Variants in XIRP2 observed in about 807,000 individuals in gnomAD.
XIRP2 encodes xin actin binding repeat containing 2, also known as xin actin-binding repeat-containing protein 2.
In XIRP2, 236 loss-of-function variants were observed where a neutral mutation model predicts 277.0. That is an observed-to-expected ratio of 0.85 (90% CI 0.77 to 0.95). XIRP2 has a LOEUF of 0.95. Ranked by LOEUF, XIRP2 falls within the 40% of genes least tolerant of loss-of-function variation. The pLI, the probability that XIRP2 is intolerant of heterozygous loss-of-function variation, is 0.00. For synonymous variants in XIRP2, 1,490 were observed against 1,416.5 expected (o/e 1.05, Z -1.17); for missense variants, 4,640 against 4,157.5 (o/e 1.12, Z -3.19).
intron 2 of XIRP2, among the ~76,000 whole-genome samples, chr2:167,129,881 A>G (rs188435324): frequency 0.048 from 7,321 of 151,200 alleles, 249 homozygotes; most frequent in African/African-American, 0.091. Flanking sequence ...AAAAAAAAAA[A>G]AAAAGAAAAG....
In XIRP2 at chr2:167,254,066, T is replaced by C. The variant is rs758423050; in HGVS notation, c.10590T>C (p.Thr3530=). 3.1e-6 allele frequency: 5 copies of C among 1,605,502 alleles called. No individual in the cohort carries two copies. The African/African-American group carries it at 6.7e-5, about 22-fold the overall frequency. The change falls in exon 10 of 11, where the codon ACT becomes ACC. Residue 3530 remains threonine (T), a synonymous_variant. Transcript: ENST00000409195. ...AAAPRQGNMY[T]LSKDSLSNGV... is the part of the protein sequence containing the mutation. ...CTCCAAGACAAGGAAATATGTATACTTTGTCAAAAGACAGTTTATCCAATG... is the reference window on the plus strand; with the variant it reads ...CTCCAAGACAAGGAAATATGTATACCTTGTCAAAAGACAGTTTATCCAATG...
intron 3 of XIRP2, among the ~76,000 whole-genome samples, chr2:167,164,445 CAAAAAAA>C (rs36066566): frequency 8.6e-5 from 4 of 46,642 alleles, no homozygotes; most frequent in Admixed American, 2.6e-4. Flanking sequence ...GACTCCGTCT[CAAAAAAA>C]AAAAAAAAAA....
chr2:166,911,620 A>G (rs969076869), intron 2 of XIRP2, among the ~76,000 whole-genome samples: 1 of 152,098 alleles, frequency 6.6e-6, no homozygotes, highest in Non-Finnish European at 1.5e-5. Flanking sequence ...TTTAAGGTTA[A>G]TATTGTTATG....
intron 2 of XIRP2, among the ~76,000 whole-genome samples, chr2:167,092,749 G>T (rs754031812): frequency 2.0e-5 from 3 of 152,038 alleles, no homozygotes; most frequent in Non-Finnish European, 4.4e-5. Flanking sequence ...TCAGAGATGG[G>T]CTCTAAGAAA....
At chr2:167,231,951 G>A (rs1314425758) in intron 5 of XIRP2, among the ~76,000 whole-genome samples, 1 of 151,924 alleles carries the variant, frequency 6.6e-6, no homozygotes, top group Non-Finnish European at 1.5e-5. Flanking sequence ...ACTATATTCT[G>A]TACTGTTACT....
In XIRP2 at chr2:166,903,723, G is replaced by T; in HGVS notation, c.241G>T (p.Val81Leu). 2 of 1,613,646 alleles carry T rather than the reference G, an allele frequency of 1.2e-6. No individual in the cohort carries two copies. The change falls in exon 2 of 11, where the codon GTG (valine) becomes TTG (leucine). Residue 81 changes from valine to leucine, a missense_variant. By Grantham distance (32) the Val-to-Leu change is conservative (BLOSUM62 1). Coordinates refer to ENST00000409195, the MANE Select transcript of XIRP2 (RefSeq NM_152381.6). The stretch of plus-strand genomic sequence containing the variant: ...TTCGAAGCCGGAAGAGAAGGATTCT[G>T]TGGACAAGAGTAACAACACCAGGGA... ...WSSKPEEKDS[V>L]DKSNNTREYG...
In XIRP2 at chr2:166,936,094, G is replaced by C. The variant is rs184502486; in HGVS notation, c.408+32204G>C. 1.1e-4 allele frequency among the ~76,000 whole-genome samples: 16 copies of C among 152,246 alleles called. No individual in the cohort carries two copies. In the East Asian group the frequency reaches 3.1e-3, roughly 29 times the overall value. ...ACCTGTTGTTTCCTGACTTTTTAATGATTGCCATTCTAACTGGTGTGAGAT... is the reference window on the plus strand; with the variant it reads ...ACCTGTTGTTTCCTGACTTTTTAATCATTGCCATTCTAACTGGTGTGAGAT... On this transcript the variant is annotated intron_variant, in intron 2 of 10. Transcript: ENST00000409195.
intron 1 of XIRP2, among the ~76,000 whole-genome samples, chr2:166,890,181 G>T (rs1684066455): frequency 6.6e-6 from 1 of 151,786 alleles, no homozygotes; most frequent in Non-Finnish European, 1.5e-5. Context: ...TTTTAGTAGA[G>T]ATGGGGTTTC....
At chr2:166,966,849 T>C (rs1349374711) in intron 2 of XIRP2, among the ~76,000 whole-genome samples, 1 of 152,016 alleles carries the variant, frequency 6.6e-6, no homozygotes, top group Non-Finnish European at 1.5e-5. Context: ...AAGTGGCATA[T>C]ATCTTAGCAC....
At chr2:167,253,882 C>A in intron 9 of XIRP2, 150 bp from the exon 10 acceptor site, 1 of 808,430 alleles carries the variant, frequency 1.2e-6, no homozygotes, top group Non-Finnish European at 1.8e-6. Context: ...ATAGGTTAGT[C>A]TCTGTCCAGA....
At chr2:166,969,598 A>G (rs1049048338) in intron 2 of XIRP2, among the ~76,000 whole-genome samples, 5 of 151,944 alleles carry the variant, frequency 3.3e-5, no homozygotes, top group African/African-American at 7.2e-5. Context: ...TAGAATTTTA[A>G]GGCTTCATAT....
intron 2 of XIRP2, among the ~76,000 whole-genome samples, chr2:167,095,709 G>C (rs190378670): frequency 6.6e-6 from 1 of 151,768 alleles, no homozygotes; most frequent in Non-Finnish European, 1.5e-5. Flanking sequence ...TGCTGGATTC[G>C]GTTTGCCAGT....
intron 2 of XIRP2, among the ~76,000 whole-genome samples, chr2:166,951,663 A>C (rs1050755902): frequency 1.3e-5 from 2 of 152,094 alleles, no homozygotes; most frequent in Admixed American, 6.6e-5. Context: ...AAATTGGTCA[A>C]AATTTCATTA....
intron 2 of XIRP2, among the ~76,000 whole-genome samples, chr2:167,085,325 T>C (rs1649765144): frequency 6.6e-6 from 1 of 151,938 alleles, no homozygotes; most frequent in Admixed American, 6.6e-5. Flanking sequence ...TTATAATCTC[T>C]GTTCTTTTAC....
At position 166,903,770 on chromosome 2, in the gene XIRP2, G is replaced by A. The variant is rs1253827156; in HGVS notation, c.288G>A (p.Leu96=). ...NTREYGRPEV[L]KEDSLSSRRR... Reference sequence around the variant, plus strand: ...GGGAATATGGTCGGCCAGAAGTGCTGAAGGAGGATTCCCTGAGCAGTCGGC... The same window carrying A: ...GGGAATATGGTCGGCCAGAAGTGCTAAAGGAGGATTCCCTGAGCAGTCGGC... Residue 96 remains leucine, a synonymous_variant, in exon 2 of 11, where the codon CTG becomes CTA. Coordinates refer to ENST00000409195, the MANE Select transcript of XIRP2 (RefSeq NM_152381.6). 2.5e-6 allele frequency: 4 copies of A among 1,613,690 alleles called. No individual in the cohort carries two copies. The highest frequency in any genetic ancestry group is 1.7e-5 in the Admixed American group (1 of 59,910).
chr2:166,910,480 G>A (rs1684669669), intron 2 of XIRP2, among the ~76,000 whole-genome samples: 1 of 151,992 alleles, frequency 6.6e-6, no homozygotes, highest in Admixed American at 6.6e-5. Context: ...ATTTTTTATG[G>A]CATCTATTTG....
At position 167,184,651 on chromosome 2, in the gene XIRP2, C is replaced by T. The variant is rs1027625910; in HGVS notation, c.563-26084C>T. 19 of 715,784 alleles carry T rather than the reference C, an allele frequency of 2.7e-5. No individual in the cohort carries two copies. The East Asian group carries it at 3.2e-4, about 12-fold the overall frequency. 44.3% of individuals were successfully genotyped at this position (715,784 alleles called of 1,614,324 possible). A position where few individuals can be genotyped will look rare whatever the true frequency, so the allele number is the denominator to read the frequency against. On this transcript the variant is annotated intron_variant, in intron 3 of 10. Coordinates refer to ENST00000409195, the MANE Select transcript of XIRP2 (RefSeq NM_152381.6). ...CCTCAACTTATATTTGTAAGGTTCTCGTCTTTCTTGAATTGTACTGCTTCT... is the reference window on the plus strand; with the variant it reads ...CCTCAACTTATATTTGTAAGGTTCTTGTCTTTCTTGAATTGTACTGCTTCT...
At chr2:167,055,024 G>A (rs1441347147) in intron 2 of XIRP2, among the ~76,000 whole-genome samples, 2 of 152,052 alleles carry the variant, frequency 1.3e-5, no homozygotes, top group African/African-American at 4.8e-5. Flanking sequence ...CTAGCTGTAG[G>A]GTTCTTCTGC....
At chr2:167,226,487 C>A (rs1005363025) in intron 5 of XIRP2, among the ~76,000 whole-genome samples, 2 of 152,158 alleles carry the variant, frequency 1.3e-5, no homozygotes, top group Admixed American at 1.3e-4. Flanking sequence ...AAATTAACTG[C>A]ATTTAGAACT....
Sources: gnomAD v4.1 joint callset for allele counts (sites outside exome capture counted in the v4.1 genomes callset) on GRCh38, gnomAD v4.1.1 for gene constraint, MANE v1.5 for transcripts, NCBI Gene and HGNC (gene_info 2026-07-23, HGNC 2026-07-21) for gene names.